Variants in LRIG3 observed in about 807,000 individuals in gnomAD.
LRIG3 encodes the protein leucine-rich repeats and immunoglobulin-like domains protein 3.
Under a neutral mutation model 114.5 loss-of-function variants are expected in LRIG3, and 76 were observed. The observed-to-expected ratio is 0.66, with a 90% CI of 0.55 to 0.80. The LOEUF (loss-of-function observed/expected upper bound fraction) is 0.80, where lower values mean the gene tolerates loss of function less well. Among genes scored for constraint, LRIG3 ranks in the 30% least tolerant of loss-of-function variants. LRIG3 has a pLI of 0.00. For missense variants in LRIG3, 1,239 were observed against 1,382.8 expected (o/e 0.90, Z 1.65); for synonymous variants, 512 against 519.8 (o/e 0.98, Z 0.20).
Position 58,874,315 on chromosome 12 carries a change from G to A in LRIG3, c.2855C>T (p.Pro952Leu), listed in dbSNP as rs146864816. ...ATAGTGGTCCATTAAAACTGTTCTTGGGTCAGGACTGCAACCTTTTTAATA... is the reference window on the plus strand; with the variant it reads ...ATAGTGGTCCATTAAAACTGTTCTTAGGTCAGGACTGCAACCTTTTTAATA... The part of the protein sequence containing the change: ...ETYHTGCSPD[P>L]RTVLMDHYEP... The change falls in exon 18 of 19, where the codon CCA becomes CTA. Residue 952 changes from proline to leucine, a missense_variant. Pro to Leu is a moderately conservative substitution (Grantham distance 98). Coordinates refer to ENST00000320743, the MANE Select transcript of LRIG3 (RefSeq NM_153377.5). The A allele has an allele frequency of 6.8e-6, 11 of 1,609,908 alleles. No individual in the cohort carries two copies. Among genetic ancestry groups the A allele is most frequent in the Non-Finnish European group, 7.6e-6 (9 of 1,178,420 alleles).
At chr12:58,914,385 A>G (rs975975498) in intron 1 of LRIG3, 49 bp from the exon 2 acceptor site, 2 of 1,410,348 alleles carry the variant, frequency 1.4e-6, no homozygotes, top group African/African-American at 2.8e-5. Context: ...AAAATCACTA[A>G]TAGTGCTAAC....
chr12:58,873,775 T>A, intron 18 of LRIG3: 1 of 473,008 alleles, frequency 2.1e-6, no homozygotes, highest in Admixed American at 3.9e-5. Context: ...CAAGCTGAGC[T>A]CCTAAGTCCT....
At chr12:58,872,920 A>C in intron 18 of LRIG3, 104 bp from the exon 19 acceptor site, 1 of 1,461,156 alleles carries the variant, frequency 6.8e-7, no homozygotes, top group Non-Finnish European at 9.2e-7. Context: ...AATATGAGTA[A>C]GTGTTTTCTA....
At chr12:58,910,481 G>A (rs768754313) in intron 3 of LRIG3, among the ~76,000 whole-genome samples, 1 of 152,154 alleles carries the variant, frequency 6.6e-6, no homozygotes, top group Non-Finnish European at 1.5e-5. Context: ...GGCAGCATGC[G>A]CCTGTAGTCC....
At chr12:58,876,339 C>T in intron 16 of LRIG3, 106 bp downstream of exon 16, 1 of 1,282,760 alleles carries the variant, frequency 7.8e-7, no homozygotes, top group Non-Finnish European at 1.1e-6. Flanking sequence ...GGGCCAGGTC[C>T]TAAATGTCAG....
At chr12:58,896,616 T>C (rs1005947662) in intron 3 of LRIG3, among the ~76,000 whole-genome samples, 9 of 152,246 alleles carry the variant, frequency 5.9e-5, no homozygotes, top group Non-Finnish European at 5.9e-5. Flanking sequence ...AGAAGGTATC[T>C]GCATGCAGCA....
chr12:58,881,899 T>A (rs887952363), intron 12 of LRIG3, among the ~76,000 whole-genome samples: 1 of 152,170 alleles, frequency 6.6e-6, no homozygotes, highest in African/African-American at 2.4e-5. Context: ...TATACATGTG[T>A]TTCAACGTAA....
chr12:58,897,941 C>T (rs1295985779), intron 3 of LRIG3, among the ~76,000 whole-genome samples: 1 of 152,104 alleles, frequency 6.6e-6, no homozygotes, highest in Non-Finnish European at 1.5e-5. Flanking sequence ...GTGGAGAGAA[C>T]CTCTGATTTA....
rs188275673 is a variant in LRIG3, at chr12:58,889,817, T to A, written c.659+179A>T. Among the ~76,000 whole-genome samples the A allele has an allele frequency of 2.0e-4, 31 of 152,096 alleles. No homozygotes were observed. The East Asian group carries it at 5.8e-3, about 29-fold the overall frequency. On this transcript the variant is annotated intron_variant, in intron 5 of 18. Transcript: ENST00000320743. ...TTGTCAAGCAGCAGCTGGCACGAGG[T>A]GACGAGATGATGTTTAAGGCTCTTT...
chr12:58,877,444 T>C lies in LRIG3; in HGVS notation c.2492A>G (p.Tyr831Cys). 1 of 1,614,084 alleles carries C rather than the reference T, an allele frequency of 6.2e-7. No individual in the cohort carries two copies. The highest frequency in any genetic ancestry group is 8.5e-7 in the Non-Finnish European group (1 of 1,179,988). Residue 831 changes from tyrosine to cysteine, a missense_variant, in exon 15 of 19, where the codon TAC becomes TGC. Transcript: ENST00000320743. ...GTSLVWVVIIYHTRRRNEDCS... is the reference protein window; with the variant it reads ...GTSLVWVVIICHTRRRNEDCS... The stretch of plus-strand genomic sequence containing the variant: ...ATCTTCATTCCTCCGCCTTGTGTGG[T>C]ATATGATGACCACCCACACGAGTGA...
In LRIG3 at chr12:58,874,189, A is replaced by C; in HGVS notation, c.2981T>G (p.Val994Gly). Residue 994 changes from valine (V) to glycine (G), a missense_variant, in exon 18 of 19, where the codon GTG becomes GGG. Transcript: ENST00000320743. ...GTAACTAGTGTTAAGTAGCTTCCTC[A>C]CATGTGAAGGCCACGATATATTACT... ...SFSNISWPSHVRKLLNTSYSH... is the reference protein window; with the variant it reads ...SFSNISWPSHGRKLLNTSYSH... The C allele has an allele frequency of 6.2e-7, 1 of 1,614,212 alleles. No homozygotes were observed. The highest frequency in any genetic ancestry group is 8.5e-7 in the Non-Finnish European group (1 of 1,180,036).
Position 58,877,827 on chromosome 12 carries a change from C to G in LRIG3, c.2109G>C (p.Leu703=), listed in dbSNP as rs956723122. ...VLETPSFLRP[L]LDRTVTKGET... is the part of the protein sequence containing the mutation. ...CTCCCTTGGTTACAGTTCGGTCCAA[C>G]AGTGGCCGCAAAAATGATGGTGTTT... Residue 703 remains leucine (L), a synonymous_variant, in exon 15 of 19, where the codon CTG becomes CTC. Coordinates refer to ENST00000320743, the MANE Select transcript of LRIG3 (RefSeq NM_153377.5). 6 of 1,602,350 alleles carry G rather than the reference C, an allele frequency of 3.7e-6. No individual in the cohort carries two copies. Among genetic ancestry groups the G allele is most frequent in the Admixed American group, 1.7e-5 (1 of 59,618 alleles).
intron 3 of LRIG3, among the ~76,000 whole-genome samples, chr12:58,909,997 T>A (rs764299406): frequency 6.6e-6 from 1 of 152,214 alleles, no homozygotes; most frequent in Non-Finnish European, 1.5e-5. Context: ...CTTCAATGGC[T>A]TTCCATTGGT....
At chr12:58,889,794 G>A (rs1348429861) in intron 5 of LRIG3, among the ~76,000 whole-genome samples, 2 of 151,908 alleles carry the variant, frequency 1.3e-5, no homozygotes, top group Non-Finnish European at 2.9e-5. Context: ...AACGTGTCTT[G>A]TCAAGCAGCA....
rs1871165933 is a variant in LRIG3, at chr12:58,882,952, C to T, written c.1397G>A (p.Ser466Asn). Residue 466 changes from serine to asparagine, a missense_variant, in exon 12 of 19, where the codon AGC becomes AAC. Coordinates refer to ENST00000320743, the MANE Select transcript of LRIG3 (RefSeq NM_153377.5). Reference protein sequence around the residue: ...PQWVAENNFQSFVNASCAHPQ... With the variant: ...PQWVAENNFQNFVNASCAHPQ... Reference sequence around the variant, plus strand: ...ATGGGCACAACTGGCATTTACAAAGCTCTGAAAGTTGTTTTCCGCCACCCA... The same window carrying T: ...ATGGGCACAACTGGCATTTACAAAGTTCTGAAAGTTGTTTTCCGCCACCCA... 1.9e-6 allele frequency: 3 copies of T among 1,614,028 alleles called. No individual in the cohort carries two copies. The highest frequency in any genetic ancestry group is 2.7e-5 in the African/African-American group (2 of 74,936).
Position 58,872,354 on chromosome 12 carries a change from A to G in LRIG3, c.*218T>C. On this transcript the variant is annotated 3_prime_UTR_variant, in exon 19 of 19. Coordinates refer to ENST00000320743, the MANE Select transcript of LRIG3 (RefSeq NM_153377.5). ...CGTAAGATACTTTTTTGCATAAAAC[A>G]AAGTTAAAAAATAGTTTAAAAAGGT... 1 of 345,290 alleles carries G rather than the reference A, an allele frequency of 2.9e-6. No homozygotes were observed. Among genetic ancestry groups the G allele is most frequent in the East Asian group, 4.9e-5 (1 of 20,614 alleles). 21.4% of individuals were successfully genotyped at this position (345,290 alleles called of 1,614,324 possible). A position where few individuals can be genotyped will look rare whatever the true frequency, so the allele number is the denominator to read the frequency against.
intron 13 of LRIG3, 145 bp from the exon 14 acceptor site, chr12:58,879,250 C>T (rs148018721): frequency 1.1e-6 from 1 of 933,826 alleles, no homozygotes; most frequent in East Asian, 2.7e-5. Flanking sequence ...AATTTCAAGT[C>T]AAGGAAACTA....
intron 12 of LRIG3, among the ~76,000 whole-genome samples, chr12:58,882,025 G>A (rs1871143947): frequency 6.6e-6 from 1 of 152,218 alleles, no homozygotes; most frequent in Admixed American, 6.5e-5. Flanking sequence ...AGCTACATCA[G>A]AGGTTTTATT....
intron 3 of LRIG3, among the ~76,000 whole-genome samples, chr12:58,909,333 T>G (rs550825216): frequency 9.2e-5 from 14 of 152,244 alleles, no homozygotes; most frequent in Non-Finnish European, 2.1e-4. Context: ...GTGCCTTTCC[T>G]GACTACATTA....
Sources: gnomAD v4.1 joint callset for allele counts (sites outside exome capture counted in the v4.1 genomes callset) on GRCh38, gnomAD v4.1.1 for gene constraint, MANE v1.5 for transcripts, NCBI Gene and HGNC (gene_info 2026-07-23, HGNC 2026-07-21) for gene names.